The following CDKL5 variants were observed in gnomAD, a reference collection of about 807,000 sequenced individuals.
CDKL5 encodes the protein cyclin-dependent kinase-like 5.
Under a neutral mutation model 61.7 loss-of-function variants are expected in CDKL5, and 8 were observed. That is an observed-to-expected ratio of 0.13 (90% CI 0.08 to 0.23). The LOEUF (loss-of-function observed/expected upper bound fraction) is 0.23. Among genes scored for constraint, CDKL5 ranks in the 10% least tolerant of loss-of-function variants. The probability of loss-of-function intolerance (pLI) is 1.00; values close to 1 mark genes in which losing one functional copy is unlikely to be tolerated. For synonymous variants in CDKL5, 275 were observed against 272.3 expected (o/e 1.01, Z -0.10); for missense variants, 440 against 734.5 (o/e 0.60, Z 4.63).
chrX:18,525,560 G>A (rs998079614), intron 3 of CDKL5, among the ~76,000 whole-genome samples: 6 of 110,536 alleles, frequency 5.4e-5, no homozygotes, highest in Non-Finnish European at 3.8e-5. Context: ...TTAAAGGGGA[G>A]TAGTAGTATC....
At chrX:18,505,202 C>A (rs1483328371) in intron 1 of CDKL5, among the ~76,000 whole-genome samples, 1 of 111,426 alleles carries the variant, frequency 9.0e-6, no homozygotes, top group Non-Finnish European at 1.9e-5. Flanking sequence ...CTTTATCATT[C>A]TTTCTGTCTT....
chrX:18,646,360 G>A (rs1342068099), intron 20 of CDKL5, among the ~76,000 whole-genome samples: 1 of 111,799 alleles, frequency 8.9e-6, no homozygotes, highest in Non-Finnish European at 1.9e-5. Context: ...CACCATGTTG[G>A]CTAAGCTGGT....
intron 5 of CDKL5, among the ~76,000 whole-genome samples, chrX:18,576,487 C>T (rs952981236): frequency 3.6e-5 from 4 of 111,292 alleles, no homozygotes; most frequent in African/African-American, 1.3e-4. Flanking sequence ...TGCTGCAGGT[C>T]TATACCCAGG....
intron 4 of CDKL5, among the ~76,000 whole-genome samples, chrX:18,571,199 G>A (rs1181871488): frequency 2.7e-5 from 3 of 111,279 alleles, no homozygotes; most frequent in Non-Finnish European, 5.7e-5. Context: ...TCTTTGTTGA[G>A]TTTTTCTTCC....
intron 7 of CDKL5, 150 bp from the exon 8 acceptor site, chrX:18,584,113 A>G (rs1023972473): frequency 1.0e-5 from 5 of 487,987 alleles, no homozygotes; most frequent in Middle Eastern, 5.5e-4. Context: ...TTTTAAGATA[A>G]CAAGGATATT....
At chrX:18,613,700 T>A (rs1308921157) in intron 15 of CDKL5, among the ~76,000 whole-genome samples, 4 of 111,411 alleles carry the variant, frequency 3.6e-5, no homozygotes, top group Non-Finnish European at 7.5e-5. Flanking sequence ...TGGCCCGGTG[T>A]TGGACAGCCA....
At chrX:18,428,513 G>A (rs906600543) in intron 1 of CDKL5, among the ~76,000 whole-genome samples, 5 of 111,483 alleles carry the variant, frequency 4.5e-5, no homozygotes, top group Non-Finnish European at 5.6e-5. Flanking sequence ...GTTACTGTGG[G>A]AATATGACTT....
At chrX:18,457,912 CTT>C (rs775565675) in intron 1 of CDKL5, among the ~76,000 whole-genome samples, 1 of 45,234 alleles carries the variant, frequency 2.2e-5, no homozygotes, top group Non-Finnish European at 3.8e-5. Flanking sequence ...CCATGCCCGG[CTT>C]TTTTTTTTTT....
intron 1 of CDKL5, among the ~76,000 whole-genome samples, chrX:18,492,418 A>G (rs779857204): frequency 2.0e-4 from 22 of 110,874 alleles, no homozygotes; most frequent in Admixed American, 1.9e-3. Context: ...TTTCATTTCT[A>G]TTTTTCCTGT....
chrX:18,427,712 G>A (rs1931397463), intron 1 of CDKL5, among the ~76,000 whole-genome samples: 1 of 111,327 alleles, frequency 9.0e-6, no homozygotes, highest in African/African-American at 3.3e-5. Context: ...ATCAAAATCC[G>A]ATATATTTTT....
intron 20 of CDKL5, among the ~76,000 whole-genome samples, chrX:18,649,725 C>A (rs1391608948): frequency 8.9e-6 from 1 of 112,245 alleles, no homozygotes; most frequent in Non-Finnish European, 1.9e-5. Context: ...CCTTGAAAAC[C>A]TTGGCCTGCC....
chrX:18,589,028 T>A (rs577103198), intron 9 of CDKL5: 2 of 110,725 alleles, frequency 1.8e-5, no homozygotes, highest in African/African-American at 6.5e-5. Context: ...AAATAGCGTC[T>A]TAGAAAGTAT....
chrX:18,639,098 CAT>C lies in CDKL5; in HGVS notation c.*10343_*10344del, dbSNP rs1271409856. Among the ~76,000 whole-genome samples the C allele has an allele frequency of 9.0e-6, 1 of 111,649 alleles. No individual in the cohort carries two copies. The highest frequency in any genetic ancestry group is 3.7e-4 in the South Asian group (1 of 2,702). ...GAACTATAAAACTCATAGAAGAAAA[CAT>C]AGGGGTAAATCTTCATGACCTTGGA... On this transcript the variant is annotated 3_prime_UTR_variant, in exon 18 of 18. Coordinates refer to ENST00000623535, the MANE Select transcript of CDKL5 (RefSeq NM_001323289.2).
chrX:18,527,878 G>A (rs754821413), intron 3 of CDKL5, among the ~76,000 whole-genome samples: 1 of 111,493 alleles, frequency 9.0e-6, no homozygotes, highest in East Asian at 2.8e-4. Context: ...TCATAGTATT[G>A]CACAAGTTTT....
rs766030612 is a variant in CDKL5 at position 18,507,387 on chromosome X, A to AT, written c.64+234dup. 3.8e-5 allele frequency among the ~76,000 whole-genome samples: 4 copies of AT among 106,567 alleles called. No homozygotes were observed. In the East Asian group the frequency reaches 1.2e-3, roughly 31 times the overall value. 92.5% of individuals were successfully genotyped at this position (106,567 alleles called of 115,157 possible). A position where few individuals can be genotyped will look rare whatever the true frequency, so the allele number is the denominator to read the frequency against. On this transcript the variant is annotated intron_variant, in intron 2 of 17. Transcript: ENST00000623535. ...CCCTTTAAAGTTTAATAAATCAAAG[A>AT]TTTTTTTCCCTTTTCTTTTAAAAAG...
chrX:18,575,555 T>G, intron 5 of CDKL5, 65 bp downstream of exon 5: 2 of 1,048,217 alleles, frequency 1.9e-6, no homozygotes, highest in Non-Finnish European at 2.7e-6. Context: ...TTTCTGACAT[T>G]ATTTAAGAAA....
At chrX:18,597,380 A>G (rs914095092) in intron 10 of CDKL5, among the ~76,000 whole-genome samples, 2 of 110,017 alleles carry the variant, frequency 1.8e-5, no homozygotes, top group Non-Finnish European at 3.8e-5. Context: ...CTGTCAGCCA[A>G]TTTAGTGGGG....
chrX:18,480,570 T>C (rs1217841971), intron 1 of CDKL5, among the ~76,000 whole-genome samples: 1 of 111,780 alleles, frequency 8.9e-6, no homozygotes, highest in Admixed American at 9.5e-5. Context: ...TTCCACCTTA[T>C]TGAAGATGGG....
chrX:18,651,220 A>AGTGTGTGTGTGTGTGTGT (rs3838188), intron 21 of CDKL5, among the ~76,000 whole-genome samples: 1 of 65,192 alleles, frequency 1.5e-5, no homozygotes, highest in Non-Finnish European at 2.8e-5. Context: ...GGCAGGAGCA[A>AGTGTGTGTGTGTGTGTGT]GTGTGTGTGT....
Sources: allele counts gnomAD v4.1 joint callset (sites outside exome capture counted in the v4.1 genomes callset), GRCh38; gene constraint gnomAD v4.1.1; transcripts MANE v1.5; gene names NCBI Gene and HGNC (gene_info 2026-07-23, HGNC 2026-07-21).